Variants in SHANK2 observed in about 807,000 individuals in gnomAD.
SHANK2 encodes the protein SH3 and multiple ankyrin repeat domains 2.
Under a neutral mutation model 133.7 loss-of-function variants are expected in SHANK2, and 43 were observed. The observed-to-expected ratio is 0.32, with a 90% CI of 0.25 to 0.41. The LOEUF is 0.41. Ranked by LOEUF, SHANK2 falls within the 10% of genes least tolerant of loss-of-function variation. The probability of loss-of-function intolerance (pLI) is 1.00; values close to 1 mark genes in which losing one functional copy is unlikely to be tolerated. For missense variants in SHANK2, 1,994 were observed against 2,235.8 expected (o/e 0.89, Z 2.18); for synonymous variants, 1,017 against 952.8 (o/e 1.07, Z -1.24).
chr11:70,573,850 A>C (rs535408257), intron 17 of SHANK2, among the ~76,000 whole-genome samples: 33 of 152,346 alleles, frequency 2.2e-4, no homozygotes, highest in African/African-American at 7.7e-4. Flanking sequence ...ACTTCAAGGC[A>C]CACTTACCAT....
chr11:70,610,424 C>A (rs2060643112), intron 17 of SHANK2, among the ~76,000 whole-genome samples: 1 of 152,142 alleles, frequency 6.6e-6, no homozygotes, highest in African/African-American at 2.4e-5. Context: ...GATGCCAAGG[C>A]CAGGAGGTCT....
chr11:71,073,683 T>C (rs1951180767), intron 9 of SHANK2, among the ~76,000 whole-genome samples: 1 of 151,864 alleles, frequency 6.6e-6, no homozygotes, highest in Non-Finnish European at 1.5e-5. Context: ...CCCAGGCTAG[T>C]CTCAAACTAG....
chr11:71,151,833 T>G (rs539234479), intron 2 of SHANK2, among the ~76,000 whole-genome samples: 132 of 152,012 alleles, frequency 8.7e-4, no homozygotes, highest in Non-Finnish European at 8.7e-4. Context: ...GGTGCATGTG[T>G]AGGAAGCCCC....
intron 11 of SHANK2, chr11:70,863,737 C>A: frequency 4.5e-6 from 2 of 445,618 alleles, no homozygotes; most frequent in South Asian, 1.6e-5. Context: ...ATCTTTACAG[C>A]TACAGAGAGT....
chr11:70,654,056 GA>G (rs1284541341), intron 17 of SHANK2: 8 of 152,344 alleles, frequency 5.3e-5, no homozygotes, highest in African/African-American at 1.9e-4. Context: ...TATTTAATAC[GA>G]GGAAAATGTA....
intron 10 of SHANK2, among the ~76,000 whole-genome samples, chr11:70,927,558 T>G (rs1462025568): frequency 6.6e-6 from 1 of 151,850 alleles, no homozygotes; most frequent in Non-Finnish European, 1.5e-5. Context: ...GAGTTCCCCA[T>G]CTCTGCAGGG....
Position 70,485,281 on chromosome 11 carries a change from A to C in SHANK2, c.4979+33T>G. The stretch of plus-strand genomic sequence containing the variant: ...TGGTCAGCAGGGACAGTGCACGCAG[A>C]GCGGTGTGCATGTGCACCAACCGCG... On this transcript the variant is annotated intron_variant, in intron 25 of 25. Transcript: ENST00000601538. The surrounding 1 kb of genome is among the most constrained non-coding windows in gnomAD (Gnocchi z 5.8). The C allele has an allele frequency of 6.4e-7, 1 of 1,565,562 alleles. No homozygotes were observed. Among genetic ancestry groups the C allele is most frequent in the Non-Finnish European group, 8.8e-7 (1 of 1,137,968 alleles).
rs571894456 is a variant in SHANK2 at position 70,867,101 on chromosome 11, C to A, written c.1174+29400G>T. ...CCTCGTAGCCCAGAGGGATTTGAATCCAATTCGGTGTATTTAAAAAAAAAA... is the reference window on the plus strand; with the variant it reads ...CCTCGTAGCCCAGAGGGATTTGAATACAATTCGGTGTATTTAAAAAAAAAA... On this transcript the variant is annotated intron_variant, in intron 11 of 25. Transcript: ENST00000601538. Among the ~76,000 whole-genome samples the A allele has an allele frequency of 4.8e-5, 7 of 146,278 alleles. No individual in the cohort carries two copies. In the East Asian group the frequency reaches 1.5e-3, roughly 31 times the overall value.
chr11:71,215,663 C>T (rs1439723105), intron 2 of SHANK2, among the ~76,000 whole-genome samples: 1 of 152,030 alleles, frequency 6.6e-6, no homozygotes, highest in Non-Finnish European at 1.5e-5. Context: ...CCACTCAGGG[C>T]CCTGCTAATG....
At position 70,485,181 on chromosome 11, in the gene SHANK2, A is replaced by AACAG; in HGVS notation, c.4979+129_4979+132dup. On this transcript the variant is annotated intron_variant, in intron 25 of 25. Transcript: ENST00000601538. This position sits in a 1 kb window ranked among gnomAD's most constrained non-coding sequence, Gnocchi z 5.8. ...TGAGAAAAAGAAGTGTTACTGCATTAACAGACGTGGCCCACACAGGCTTTA... is the reference window on the plus strand; with the variant it reads ...TGAGAAAAAGAAGTGTTACTGCATTAACAGACAGACGTGGCCCACACAGGCTTTA... 1 of 736,254 alleles carries AACAG rather than the reference A, an allele frequency of 1.4e-6. No homozygotes were observed. Among genetic ancestry groups the AACAG allele is most frequent in the East Asian group, 2.6e-5 (1 of 38,100 alleles). 45.6% of individuals were successfully genotyped at this position (736,254 alleles called of 1,614,324 possible).
At chr11:70,780,920 TTTG>T (rs369348610) in intron 14 of SHANK2, among the ~76,000 whole-genome samples, 2 of 152,100 alleles carry the variant, frequency 1.3e-5, no homozygotes, top group African/African-American at 4.8e-5. Context: ...GTTTTGTGTT[TTTG>T]TTGTTGTTGT....
intron 17 of SHANK2, among the ~76,000 whole-genome samples, chr11:70,543,903 C>T (rs1287828632): frequency 2.0e-5 from 3 of 152,130 alleles, no homozygotes; most frequent in South Asian, 2.1e-4. Flanking sequence ...TGCTGGTGTC[C>T]GAGGGAACCG....
chr11:70,707,939 C>T (rs73527919), intron 14 of SHANK2, among the ~76,000 whole-genome samples: 2 of 152,192 alleles, frequency 1.3e-5, no homozygotes, highest in African/African-American at 4.8e-5. Flanking sequence ...CCAGGCCAAT[C>T]ATCAGAACCT....
At chr11:71,197,586 G>C (rs1199365543) in intron 2 of SHANK2, among the ~76,000 whole-genome samples, 1 of 152,358 alleles carries the variant, frequency 6.6e-6, no homozygotes, top group East Asian at 1.9e-4. Flanking sequence ...TGGGGAGATG[G>C]ACCCCATGGG....
intron 8 of SHANK2, among the ~76,000 whole-genome samples, chr11:71,087,112 C>A (rs1211930561): frequency 2.0e-5 from 3 of 152,202 alleles, no homozygotes; most frequent in African/African-American, 4.8e-5. Flanking sequence ...GCCCCGGGAC[C>A]AAGGTGGCCG....
At chr11:71,211,642 CAA>C (rs35529960) in intron 2 of SHANK2, among the ~76,000 whole-genome samples, 32 of 117,934 alleles carry the variant, frequency 2.7e-4, no homozygotes, top group Non-Finnish European at 2.6e-4. Context: ...TGAGCATTTG[CAA>C]AAAAAAAAAA....
chr11:70,650,629 C>T (rs2061328921), intron 17 of SHANK2, among the ~76,000 whole-genome samples: 1 of 152,228 alleles, frequency 6.6e-6, no homozygotes, highest in Non-Finnish European at 1.5e-5. Flanking sequence ...TCATGCCCAG[C>T]TTCATAGCAT....
intron 11 of SHANK2, among the ~76,000 whole-genome samples, chr11:70,827,702 C>G (rs1445400915): frequency 7.5e-6 from 1 of 132,580 alleles, no homozygotes; most frequent in Non-Finnish European, 1.5e-5. Flanking sequence ...CACACACACA[C>G]ACACACACAC....
chr11:71,066,097 GGTGT>G (rs1166527520), intron 9 of SHANK2, among the ~76,000 whole-genome samples: 34 of 100,192 alleles, frequency 3.4e-4, no homozygotes, highest in African/African-American at 7.8e-4. Context: ...TGGTGGGGGG[GGTGT>G]GTGCAGAACT....
Sources: gnomAD v4.1 joint callset for allele counts (sites outside exome capture counted in the v4.1 genomes callset) on GRCh38, gnomAD v4.1.1 for gene constraint, Gnocchi (gnomAD v3.1) non-coding constraint, MANE v1.5 for transcripts, NCBI Gene and HGNC (gene_info 2026-07-23, HGNC 2026-07-21) for gene names.